The following DYNC1LI1 variants were observed in gnomAD, a reference collection of about 807,000 sequenced individuals.
DYNC1LI1 encodes dynein cytoplasmic 1 light intermediate chain 1, also known as cytoplasmic dynein 1 light intermediate chain 1.
A neutral mutation model predicts 63.8 loss-of-function variants in DYNC1LI1; 19 were observed. The ratio of observed to expected loss-of-function variants is 0.30; its 90% CI spans 0.21 to 0.44. DYNC1LI1 has a LOEUF of 0.44. Ranked by LOEUF, DYNC1LI1 falls within the 20% of genes least tolerant of loss-of-function variation. The probability of loss-of-function intolerance (pLI) is 1.00; values close to 1 mark genes in which losing one functional copy is unlikely to be tolerated. For missense variants in DYNC1LI1, 565 were observed against 630.2 expected (o/e 0.90, Z 1.11); for synonymous variants, 225 against 232.3 (o/e 0.97, Z 0.28).
At chr3:32,544,834 T>C (rs779746298) in intron 4 of DYNC1LI1, 42 bp downstream of exon 4, 1 of 1,400,858 alleles carries the variant, frequency 7.1e-7, no homozygotes. Context: ...AGCCAAGACA[T>C]TTTGTATTTG....
At chr3:32,529,814 C>T (rs1003478567) in intron 10 of DYNC1LI1, among the ~76,000 whole-genome samples, 154 bp from the exon 11 acceptor site, 8 of 152,138 alleles carry the variant, frequency 5.3e-5, no homozygotes, top group African/African-American at 1.9e-4. Context: ...CAATCCTGTC[C>T]TCATTATTAG....
chr3:32,538,291 A>C (rs1697828194), intron 5 of DYNC1LI1, among the ~76,000 whole-genome samples: 1 of 150,028 alleles, frequency 6.7e-6, no homozygotes, highest in African/African-American at 2.5e-5. Context: ...AATTATGAGG[A>C]GCATTTCATT....
intron 5 of DYNC1LI1, among the ~76,000 whole-genome samples, chr3:32,539,617 G>A (rs1575151479): frequency 6.6e-6 from 1 of 151,676 alleles, no homozygotes; most frequent in East Asian, 1.9e-4. Context: ...CTCACTGCAA[G>A]CTCTGCCTCC....
At chr3:32,541,875 T>C (rs1429826329) in intron 4 of DYNC1LI1, among the ~76,000 whole-genome samples, 1 of 152,216 alleles carries the variant, frequency 6.6e-6, no homozygotes, top group Non-Finnish European at 1.5e-5. Flanking sequence ...TGCACATACA[T>C]AGGGATTTCC....
chr3:32,551,527 G>C (rs1053936169), intron 2 of DYNC1LI1, among the ~76,000 whole-genome samples: 2 of 152,144 alleles, frequency 1.3e-5, no homozygotes, highest in African/African-American at 4.8e-5. Flanking sequence ...GCACAGTTTA[G>C]GTACTTTAGA....
intron 10 of DYNC1LI1, among the ~76,000 whole-genome samples, chr3:32,529,981 C>A (rs1201755469): frequency 6.6e-6 from 1 of 152,138 alleles, no homozygotes; most frequent in Non-Finnish European, 1.5e-5. Context: ...TAATCTCAGG[C>A]AAGCCACAAC....
intron 2 of DYNC1LI1, among the ~76,000 whole-genome samples, chr3:32,552,249 A>ATTCC (rs1257850820): frequency 7.2e-5 from 11 of 152,108 alleles, no homozygotes; most frequent in Non-Finnish European, 1.6e-4. Flanking sequence ...TCATTCATTC[A>ATTCC]TTCCTTCTTA....
At chr3:32,545,795 T>C (rs1002039743) in intron 3 of DYNC1LI1, 54 bp downstream of exon 3, 2 of 1,185,792 alleles carry the variant, frequency 1.7e-6, no homozygotes, top group South Asian at 2.5e-5. Context: ...CTAATGTGAA[T>C]GGCAGTGCAC....
intron 4 of DYNC1LI1, among the ~76,000 whole-genome samples, chr3:32,542,420 T>TTTG (rs1697894779): frequency 6.6e-6 from 1 of 151,196 alleles, no homozygotes; most frequent in South Asian, 2.1e-4. Context: ...TTTTTTTTTT[T>TTTG]TTTTTTTGAG....
At chr3:32,547,986 A>G (rs1457238753) in intron 2 of DYNC1LI1, among the ~76,000 whole-genome samples, 2 of 152,040 alleles carry the variant, frequency 1.3e-5, no homozygotes, top group Non-Finnish European at 2.9e-5. Flanking sequence ...GTGTGTGTAT[A>G]TGTTACATGT....
chr3:32,529,821 T>C (rs534265913), intron 10 of DYNC1LI1, among the ~76,000 whole-genome samples, 161 bp from the exon 11 acceptor site: 11 of 152,344 alleles, frequency 7.2e-5, no homozygotes, highest in African/African-American at 2.6e-4. Context: ...GTCCTCATTA[T>C]TAGAGAATGC....
intron 2 of DYNC1LI1, among the ~76,000 whole-genome samples, chr3:32,546,653 T>C (rs893743593): frequency 6.6e-6 from 1 of 152,136 alleles, no homozygotes; most frequent in African/African-American, 2.4e-5. Flanking sequence ...AGGTAAAGAC[T>C]CTTAATTGGC....
chr3:32,555,971 G>GTC (rs1698109403), intron 2 of DYNC1LI1, among the ~76,000 whole-genome samples: 1 of 152,188 alleles, frequency 6.6e-6, no homozygotes, highest in South Asian at 2.1e-4. Context: ...ACCCGTCAGG[G>GTC]TCTTCCTGCT....
At chr3:32,538,039 ATATATATAATTATATATATATAATTTAT>A (rs1477422666) in intron 5 of DYNC1LI1, among the ~76,000 whole-genome samples, 2 of 8,050 alleles carry the variant, frequency 2.5e-4, no homozygotes, top group Non-Finnish European at 3.2e-4. Flanking sequence ...TATATAATAT[ATATATATAATTATATATATATAATTTAT>A]TATATATATA....
chr3:32,537,984 T>A (rs796720343), intron 5 of DYNC1LI1, among the ~76,000 whole-genome samples: 7,590 of 23,358 alleles, frequency 0.32, 1,659 homozygotes, highest in Non-Finnish European at 0.4. Context: ...TTATATATAA[T>A]ATATATATAT....
chr3:32,551,607 T>C (rs1275289800), intron 2 of DYNC1LI1, among the ~76,000 whole-genome samples: 1 of 152,076 alleles, frequency 6.6e-6, no homozygotes, highest in East Asian at 1.9e-4. Context: ...GACAAGACAA[T>C]AGGCTATTAA....
chr3:32,543,732 A>C (rs1697914057), intron 4 of DYNC1LI1, among the ~76,000 whole-genome samples: 1 of 151,246 alleles, frequency 6.6e-6, no homozygotes. Context: ...TATGCAAAGC[A>C]CAATATTGGC....
intron 2 of DYNC1LI1, among the ~76,000 whole-genome samples, chr3:32,559,397 G>A (rs2125444236): frequency 6.6e-6 from 1 of 152,148 alleles, no homozygotes; most frequent in East Asian, 1.9e-4. Flanking sequence ...CATCCACCAT[G>A]CCTGGTTGAT....
At chr3:32,559,688 C>T (rs952356639) in intron 2 of DYNC1LI1, among the ~76,000 whole-genome samples, 1 of 152,170 alleles carries the variant, frequency 6.6e-6, no homozygotes, top group South Asian at 2.1e-4. Context: ...ACGCATGCCA[C>T]TGTTTGACAT....
Sources: allele counts gnomAD v4.1 joint callset (sites outside exome capture counted in the v4.1 genomes callset), GRCh38; gene constraint gnomAD v4.1.1; transcripts MANE v1.5; gene names NCBI Gene and HGNC (gene_info 2026-07-23, HGNC 2026-07-21).